The following ZNF784 variants were observed in gnomAD, a reference collection of about 807,000 sequenced individuals.
ZNF784 encodes the protein zinc finger protein 784.
Under a neutral mutation model 3.3 loss-of-function variants are expected in ZNF784, and 5 were observed. The ratio of observed to expected loss-of-function variants is 1.53; its 90% CI spans 0.80 to 3.22. The LOEUF (loss-of-function observed/expected upper bound fraction) is 3.22. ZNF784 is among the 30% of genes most tolerant of loss of function. The probability of loss-of-function intolerance (pLI) is 0.00; values close to 1 mark genes in which losing one functional copy is unlikely to be tolerated. For missense variants in ZNF784, 501 were observed against 480.7 expected (o/e 1.04, Z -0.39); for synonymous variants, 231 against 219.6 (o/e 1.05, Z -0.46).
rs1256484479 is a variant in ZNF784, at chr19:55,621,844, C to T, written c.879G>A (p.Ala293=). ...CACACCCGCTCCCCGACCCCTCAGC[C>T]GCCGACGAGCCCAGCTGGCCTCCAG... ...GDSGGQLGSS[A]AEGSGSGCGV... Residue 293 remains alanine, a synonymous_variant, in exon 2 of 2, where the codon GCG becomes GCA. Transcript: ENST00000325351. This position sits in a 1 kb window ranked among gnomAD's most constrained non-coding sequence, Gnocchi z 4.1. 1.9e-6 allele frequency: 3 copies of T among 1,583,448 alleles called. No homozygotes were observed. Among genetic ancestry groups the T allele is most frequent in the Non-Finnish European group, 2.6e-6 (3 of 1,172,894 alleles).
Position 55,622,163 on chromosome 19 carries a change from G to GCCGCCGCCGCCATCACCACCT in ZNF784, c.539_559dup (p.Glu180_Ala186dup). 1 of 1,532,716 alleles carries GCCGCCGCCGCCATCACCACCT rather than the reference G, an allele frequency of 6.5e-7. No homozygotes were observed. Among genetic ancestry groups the GCCGCCGCCGCCATCACCACCT allele is most frequent in the Non-Finnish European group, 8.7e-7 (1 of 1,144,660 alleles). The allele number at this position is 1,532,716 out of a possible 1,614,324, so 94.9% of individuals were successfully genotyped here. On this transcript the variant is annotated inframe_insertion, in exon 2 of 2. Transcript: ENST00000325351. The surrounding 1 kb of genome is among the most constrained non-coding windows in gnomAD (Gnocchi z 5.9). ...AGGCTTCCCCACCGCTGCGCCCGCC[G>GCCGCCGCCGCCATCACCACCT]CCGCCGCCGCCATCACCACCTCCGC... is the stretch of plus-strand genomic sequence containing the variant.
At position 55,622,703 on chromosome 19, in the gene ZNF784, C is replaced by T. The variant is rs1981616565; in HGVS notation, c.79-59G>A. ...AACCTGCCTCAGGACCGCCCCAGCA[C>T]GCCCCAATTATTAAAGCTTGGGCTC... On this transcript the variant is annotated intron_variant, in intron 1 of 1. Transcript: ENST00000325351. The surrounding 1 kb of genome is among the most constrained non-coding windows in gnomAD (Gnocchi z 5.9). 6 of 1,386,450 alleles carry T rather than the reference C, an allele frequency of 4.3e-6. No individual in the cohort carries two copies. The highest frequency in any genetic ancestry group is 2.9e-6 in the Non-Finnish European group (3 of 1,048,138). 85.9% of individuals were successfully genotyped at this position (1,386,450 alleles called of 1,614,324 possible). A position where few individuals can be genotyped will look rare whatever the true frequency, so the allele number is the denominator to read the frequency against.
In ZNF784 at chr19:55,622,494, C is replaced by T; in HGVS notation, c.229G>A (p.Val77Ile). The stretch of plus-strand genomic sequence containing the variant: ...TGTTCGTGGAACAGCAGCTCGGAAA[C>T]CAGCCGGAAGGCAGCAGGGCACAAG... ...CALCPAAFRL[V>I]SELLFHEHGH... The change falls in exon 2 of 2, where the codon GTT becomes ATT. Residue 77 changes from valine to isoleucine, a missense_variant. Val to Ile is a conservative substitution (Grantham distance 29, BLOSUM62 3). Coordinates refer to ENST00000325351, the MANE Select transcript of ZNF784 (RefSeq NM_203374.2). The surrounding 1 kb of genome is among the most constrained non-coding windows in gnomAD (Gnocchi z 5.9). 6.2e-7 allele frequency: 1 copy of T among 1,612,964 alleles called. No homozygotes were observed. Among genetic ancestry groups the T allele is most frequent in the Non-Finnish European group, 8.5e-7 (1 of 1,179,870 alleles).
chr19:55,624,235 G>A (rs564522012), intron 1 of ZNF784, among the ~76,000 whole-genome samples: 2,913 of 149,788 alleles, frequency 0.019, 112 homozygotes, highest in African/African-American at 0.068. Context: ...AGACAACACC[G>A]TCCTCAGACT....
At chr19:55,624,171 T>A (rs986283030) in intron 1 of ZNF784, among the ~76,000 whole-genome samples, 3 of 151,314 alleles carry the variant, frequency 2.0e-5, no homozygotes, top group Non-Finnish European at 2.9e-5. Context: ...TCCACCCAAA[T>A]TATGCAAATT....
At position 55,621,740 on chromosome 19, in the gene ZNF784, T is replaced by C; in HGVS notation, c.*11A>G. ...CTCCGCCTTAACTAACCCATGTCCC[T>C]GGTCTGCAGCCTACTGGTCGGCCTC... On this transcript the variant is annotated 3_prime_UTR_variant, in exon 2 of 2. Transcript: ENST00000325351. This position sits in a 1 kb window ranked among gnomAD's most constrained non-coding sequence, Gnocchi z 4.1. The C allele has an allele frequency of 1.3e-6, 2 of 1,524,946 alleles. No homozygotes were observed. The highest frequency in any genetic ancestry group is 1.4e-5 in the African/African-American group (1 of 69,662). 94.5% of individuals were successfully genotyped at this position (1,524,946 alleles called of 1,614,324 possible). A position where few individuals can be genotyped will look rare whatever the true frequency, so the allele number is the denominator to read the frequency against.
At chr19:55,624,392 AC>A (rs921641777) in intron 1 of ZNF784, 91 bp downstream of exon 1, 6 of 249,144 alleles carry the variant, frequency 2.4e-5, no homozygotes, top group African/African-American at 3.8e-5. Flanking sequence ...TCCCTCGCCC[AC>A]CCCCTCATAG....
At position 55,621,137 on chromosome 19, in the gene ZNF784, T is replaced by C. The variant is rs1418793006; in HGVS notation, c.*614A>G. ...GGAGTCAAGATCCTATGGTCAGGCT[T>C]ACATCCTTGAGGCTCAAGTGCTCTC... is the stretch of plus-strand genomic sequence containing the variant. On this transcript the variant is annotated 3_prime_UTR_variant, in exon 2 of 2. Coordinates refer to ENST00000325351, the MANE Select transcript of ZNF784 (RefSeq NM_203374.2). The surrounding 1 kb of genome is among the most constrained non-coding windows in gnomAD (Gnocchi z 4.1). The C allele has an allele frequency of 6.3e-6, 1 of 159,714 alleles. No individual in the cohort carries two copies. The highest frequency in any genetic ancestry group is 2.4e-5 in the African/African-American group (1 of 41,446). The allele number at this position is 159,714 out of a possible 1,614,324, so 9.9% of individuals were successfully genotyped here. A position where few individuals can be genotyped will look rare whatever the true frequency, so the allele number is the denominator to read the frequency against.
chr19:55,622,801 T>C lies in ZNF784; in HGVS notation c.79-157A>G, dbSNP rs958587930. Among the ~76,000 whole-genome samples, 1 of 152,110 alleles carries C rather than the reference T, an allele frequency of 6.6e-6. No individual in the cohort carries two copies. Among genetic ancestry groups the C allele is most frequent in the African/African-American group, 2.4e-5 (1 of 41,432 alleles). On this transcript the variant is annotated intron_variant, in intron 1 of 1. Coordinates refer to ENST00000325351, the MANE Select transcript of ZNF784 (RefSeq NM_203374.2). The surrounding 1 kb of genome is among the most constrained non-coding windows in gnomAD (Gnocchi z 5.9). The stretch of plus-strand genomic sequence containing the variant: ...GTGGCTCATTGCAACCTTGACCTCC[T>C]GGGCTCAAGCGATCCTCCCACTTCA...
chr19:55,621,812 C>T lies in ZNF784; in HGVS notation c.911G>A (p.Gly304Glu), dbSNP rs1011192304. 1.9e-6 allele frequency: 3 copies of T among 1,595,132 alleles called. No homozygotes were observed. The highest frequency in any genetic ancestry group is 1.3e-5 in the African/African-American group (1 of 74,942). The change falls in exon 2 of 2, where the codon GGG becomes GAG. Residue 304 changes from glycine to glutamate, a missense_variant. Transcript: ENST00000325351. The surrounding 1 kb of genome is among the most constrained non-coding windows in gnomAD (Gnocchi z 4.1). The part of the protein sequence containing the change: ...AEGSGSGCGV[G>E]DPAEEGRGET... ...CCCCCGCCCCTCCTCCGCAGGGTCC[C>T]CTACCCCACACCCGCTCCCCGACCC...
In ZNF784 at chr19:55,621,378, G is replaced by C. The variant is rs538985867; in HGVS notation, c.*373C>G. 1 of 349,550 alleles carries C rather than the reference G, an allele frequency of 2.9e-6. No individual in the cohort carries two copies. Among genetic ancestry groups the C allele is most frequent in the South Asian group, 3.0e-5 (1 of 33,488 alleles). The allele number at this position is 349,550 out of a possible 1,614,324, so 21.7% of individuals were successfully genotyped here. A position where few individuals can be genotyped will look rare whatever the true frequency, so the allele number is the denominator to read the frequency against. On this transcript the variant is annotated 3_prime_UTR_variant, in exon 2 of 2. Coordinates refer to ENST00000325351, the MANE Select transcript of ZNF784 (RefSeq NM_203374.2). The surrounding 1 kb of genome is among the most constrained non-coding windows in gnomAD (Gnocchi z 4.1). ...AATTCCCCCCTTCCATTCGATCCTG[G>C]CTCCTCCTCTGAAGTGCCCAGGCTC...
Position 55,621,344 on chromosome 19 carries a change from G to A in ZNF784, c.*407C>T. The A allele has an allele frequency of 3.3e-6, 1 of 300,030 alleles. No individual in the cohort carries two copies. The highest frequency in any genetic ancestry group is 6.4e-6 in the Non-Finnish European group (1 of 155,640). The allele number at this position is 300,030 out of a possible 1,614,324, so 18.6% of individuals were successfully genotyped here. A position where few individuals can be genotyped will look rare whatever the true frequency, so the allele number is the denominator to read the frequency against. On this transcript the variant is annotated 3_prime_UTR_variant, in exon 2 of 2. Coordinates refer to ENST00000325351, the MANE Select transcript of ZNF784 (RefSeq NM_203374.2). This position sits in a 1 kb window ranked among gnomAD's most constrained non-coding sequence, Gnocchi z 4.1. ...TGGAGGACCAGAGCAGAAGACTATG[G>A]TGGACCCCAATTCCCCCCTTCCATT...
At position 55,621,889 on chromosome 19, in the gene ZNF784, C is replaced by T. The variant is rs758146516; in HGVS notation, c.834G>A (p.Pro278=). The change falls in exon 2 of 2, where the codon CCG becomes CCA. Residue 278 remains proline (P), a synonymous_variant. Transcript: ENST00000325351. This position sits in a 1 kb window ranked among gnomAD's most constrained non-coding sequence, Gnocchi z 4.1. ...RKHQRTHFHG[P]GPGLGDSGGQ... ...CTCCAGAGTCTCCCAGCCCCGGCCCCGGCCCGTGGAAGTGGGTGCGCTGGT... is the reference window on the plus strand; with the variant it reads ...CTCCAGAGTCTCCCAGCCCCGGCCCTGGCCCGTGGAAGTGGGTGCGCTGGT... The T allele has an allele frequency of 1.2e-5, 19 of 1,590,124 alleles. No individual in the cohort carries two copies. Among genetic ancestry groups the T allele is most frequent in the African/African-American group, 9.4e-5 (7 of 74,790 alleles).
rs548259597 is a variant in ZNF784, at chr19:55,621,992, C to T, written c.731G>A (p.Arg244His). The T allele has an allele frequency of 6.3e-7, 1 of 1,593,968 alleles. No homozygotes were observed. Among genetic ancestry groups the T allele is most frequent in the Non-Finnish European group, 8.5e-7 (1 of 1,177,812 alleles). The change falls in exon 2 of 2, where the codon CGC (arginine) becomes CAC (histidine). Residue 244 changes from arginine (R) to histidine (H), a missense_variant. By Grantham distance (29) the Arg-to-His change is conservative. Transcript: ENST00000325351. The surrounding 1 kb of genome is among the most constrained non-coding windows in gnomAD (Gnocchi z 4.1). ...GAACGGGCGCTCGCCAGTGTGGATG[C>T]GGGCGTGGCCGCTAAGCACCGAGGA... The part of the protein sequence containing the change: ...TQSSVLSGHA[R>H]IHTGERPFRC...
In ZNF784 at chr19:55,624,555, C is replaced by G; in HGVS notation, c.7G>C (p.Ala3Pro). 2 of 1,590,346 alleles carry G rather than the reference C, an allele frequency of 1.3e-6. No individual in the cohort carries two copies. The highest frequency in any genetic ancestry group is 1.7e-6 in the Non-Finnish European group (2 of 1,169,678). Reference sequence around the variant, plus strand: ...CGACTCTGGGCCTCTGGGCGCGCAGCGGCCATCTTGTGCCCAAGCCCCGCC... The same window carrying G: ...CGACTCTGGGCCTCTGGGCGCGCAGGGGCCATCTTGTGCCCAAGCCCCGCC... MA[A>P]ARPEAQSRSS... is the part of the protein sequence containing the mutation. The change falls in exon 1 of 2, where the codon GCT becomes CCT. Residue 3 changes from alanine to proline, a missense_variant. Physicochemically the swap from Ala to Pro is conservative, Grantham distance 27. Transcript: ENST00000325351.
In ZNF784 at chr19:55,622,610, G is replaced by A; in HGVS notation, c.113C>T (p.Pro38Leu). 3.2e-6 allele frequency: 5 copies of A among 1,579,872 alleles called. No homozygotes were observed. The highest frequency in any genetic ancestry group is 4.3e-6 in the Non-Finnish European group (5 of 1,162,092). Reference sequence around the variant, plus strand: ...CTGGATCTCGATGAGGTCACTCGGGGGTGTGCCAGGCCGGCAGTCATCAGG... The same window carrying A: ...CTGGATCTCGATGAGGTCACTCGGGAGTGTGCCAGGCCGGCAGTCATCAGG... ...LVPDDCRPGT[P>L]PSDLIEIQVV... The change falls in exon 2 of 2, where the codon CCC becomes CTC. Residue 38 changes from proline to leucine, a missense_variant. Transcript: ENST00000325351. The surrounding 1 kb of genome is among the most constrained non-coding windows in gnomAD (Gnocchi z 5.9).
chr19:55,624,350 G>T, intron 1 of ZNF784, 134 bp downstream of exon 1: 1 of 328,318 alleles, frequency 3.0e-6, no homozygotes, highest in Non-Finnish European at 4.6e-6. Context: ...ACCACAAGAA[G>T]CCCCACCCCC....
At position 55,624,556 on chromosome 19, in the gene ZNF784, G is replaced by C. The variant is rs748169255; in HGVS notation, c.6C>G (p.Ala2=). The C allele has an allele frequency of 1.7e-5, 27 of 1,590,628 alleles. No individual in the cohort carries two copies. Among genetic ancestry groups the C allele is most frequent in the Non-Finnish European group, 2.1e-5 (24 of 1,169,660 alleles). Residue 2 remains alanine, a synonymous_variant, in exon 1 of 2, where the codon GCC becomes GCG. Transcript: ENST00000325351. M[A]AARPEAQSRS... is the part of the protein sequence containing the mutation. ...GACTCTGGGCCTCTGGGCGCGCAGC[G>C]GCCATCTTGTGCCCAAGCCCCGCCC...
At position 55,622,351 on chromosome 19, in the gene ZNF784, C is replaced by A; in HGVS notation, c.372G>T (p.Thr124=). Residue 124 remains threonine (T), a synonymous_variant, in exon 2 of 2, where the codon ACG becomes ACT. Transcript: ENST00000325351. The surrounding 1 kb of genome is among the most constrained non-coding windows in gnomAD (Gnocchi z 5.9). ...ASLRAHYSLH[T]GERPYRCALC... ...GCGCGCAGCGGTAGGGCCGCTCCCC[C>A]GTGTGCAAGCTGTAGTGCGCGCGCA... 2 of 1,518,918 alleles carry A rather than the reference C, an allele frequency of 1.3e-6. No individual in the cohort carries two copies. Among genetic ancestry groups the A allele is most frequent in the East Asian group, 2.4e-5 (1 of 41,482 alleles). The allele number at this position is 1,518,918 out of a possible 1,614,324, so 94.1% of individuals were successfully genotyped here.
Sources: allele counts gnomAD v4.1 joint callset (sites outside exome capture counted in the v4.1 genomes callset), GRCh38; gene constraint gnomAD v4.1.1; non-coding constraint Gnocchi (gnomAD v3.1); transcripts MANE v1.5; gene names NCBI Gene and HGNC (gene_info 2026-07-23, HGNC 2026-07-21).